NRG3: variants seen among roughly 807,000 people sequenced by gnomAD.
NRG3 encodes pro-neuregulin-3, membrane-bound isoform.
NRG3 carries 31 observed loss-of-function variants against 66.9 expected under a neutral mutation model. The ratio of observed to expected loss-of-function variants is 0.46; its 90% confidence interval spans 0.35 to 0.63. The LOEUF is 0.63. NRG3 is among the 20% of genes least tolerant of loss of function. The pLI is 0.00. For missense variants in NRG3, 910 were observed against 878.9 expected (o/e 1.04, Z -0.45); for synonymous variants, 393 against 359.4 (o/e 1.09, Z -1.06).
intron 2 of NRG3, among the ~76,000 whole-genome samples, chr10:82,438,722 A>G (rs1440659874): frequency 6.6e-6 from 1 of 152,028 alleles, no homozygotes; most frequent in Non-Finnish European, 1.5e-5. Flanking sequence ...AAAAAAGCAG[A>G]TTGCCCGGCT....
intron 3 of NRG3, among the ~76,000 whole-genome samples, chr10:82,747,177 T>C (rs1013985863): frequency 2.0e-5 from 3 of 152,094 alleles, no homozygotes; most frequent in Non-Finnish European, 2.9e-5. Flanking sequence ...GTGAGCTTTT[T>C]CCCACAGAAT....
chr10:81,909,522 T>C (rs1243271906), intron 1 of NRG3, among the ~76,000 whole-genome samples: 1 of 152,198 alleles, frequency 6.6e-6, no homozygotes, highest in Non-Finnish European at 1.5e-5. Flanking sequence ...TCACATGATA[T>C]GTACTCAGTT....
intron 1 of NRG3, among the ~76,000 whole-genome samples, chr10:82,246,435 T>G (rs1383504503): frequency 6.6e-6 from 1 of 152,228 alleles, no homozygotes; most frequent in South Asian, 2.1e-4. Context: ...ATAATTTAGC[T>G]GGATAACTAT....
chr10:82,643,188 CCCA>C (rs1199293138), intron 2 of NRG3, among the ~76,000 whole-genome samples: 1 of 152,056 alleles, frequency 6.6e-6, no homozygotes, highest in Non-Finnish European at 1.5e-5. Flanking sequence ...TCCCATAATT[CCCA>C]CATGTTGCCA....
At chr10:82,888,695 A>G (rs1358767152) in intron 4 of NRG3, among the ~76,000 whole-genome samples, 2 of 152,142 alleles carry the variant, frequency 1.3e-5, no homozygotes, top group Non-Finnish European at 2.9e-5. Context: ...GGGGAGACTA[A>G]ATATAAACAA....
At chr10:82,923,521 T>C (rs1846662454) in intron 4 of NRG3, among the ~76,000 whole-genome samples, 1 of 152,246 alleles carries the variant, frequency 6.6e-6, no homozygotes, top group Non-Finnish European at 1.5e-5. Flanking sequence ...TTACCTCTAA[T>C]GCCTGACTTG....
At chr10:82,028,391 C>T (rs2062413315) in intron 1 of NRG3, among the ~76,000 whole-genome samples, 3 of 152,016 alleles carry the variant, frequency 2.0e-5, no homozygotes, top group Admixed American at 6.6e-5. Flanking sequence ...GCCTTCTGCT[C>T]TTCAATAGTC....
chr10:82,144,192 C>T (rs11192679), intron 1 of NRG3, among the ~76,000 whole-genome samples: 14,218 of 152,130 alleles, frequency 0.093, 970 homozygotes, highest in African/African-American at 0.18. Context: ...CTCTTATTCA[C>T]GTGAGGCTTC....
chr10:82,475,337 C>A (rs1166527976), intron 2 of NRG3, among the ~76,000 whole-genome samples: 5 of 151,930 alleles, frequency 3.3e-5, no homozygotes, highest in African/African-American at 7.2e-5. Flanking sequence ...ATATAACCAA[C>A]AAATTGGATA....
At chr10:82,675,192 G>A (rs2053592510) in intron 2 of NRG3, among the ~76,000 whole-genome samples, 1 of 152,034 alleles carries the variant, frequency 6.6e-6, no homozygotes, top group Non-Finnish European at 1.5e-5. Flanking sequence ...CCTGACCTCA[G>A]GTGGTCCGCC....
At chr10:82,884,857 A>T (rs1027364353) in intron 4 of NRG3, among the ~76,000 whole-genome samples, 2 of 152,224 alleles carry the variant, frequency 1.3e-5, no homozygotes, top group Admixed American at 1.3e-4. Context: ...AAAAGATGGT[A>T]ATGTGTATAT....
chr10:81,909,258 C>T (rs1844888369), intron 1 of NRG3, among the ~76,000 whole-genome samples: 1 of 152,016 alleles, frequency 6.6e-6, no homozygotes, highest in Non-Finnish European at 1.5e-5. Flanking sequence ...ACACACTGGC[C>T]ATTTTGGGTT....
At chr10:82,685,967 C>T (rs1339458238) in intron 2 of NRG3, among the ~76,000 whole-genome samples, 1 of 152,118 alleles carries the variant, frequency 6.6e-6, no homozygotes, top group Non-Finnish European at 1.5e-5. Context: ...CCTATGATAA[C>T]AATGCCTTCT....
chr10:82,561,184 G>A lies in NRG3; in HGVS notation c.954-177393G>A, dbSNP rs553504610. Among the ~76,000 whole-genome samples, 17 of 152,282 alleles carry A rather than the reference G, an allele frequency of 1.1e-4. No homozygotes were observed. In the South Asian group the frequency reaches 3.5e-3, roughly 32 times the overall value. On this transcript the variant is annotated intron_variant, in intron 2 of 8. Transcript: ENST00000372141. ...AGAAAGCTAGACTTAGGAAAAGGAA[G>A]TATGTTGTTTTAATGCCTCTTGGGG...
At chr10:81,987,528 A>T (rs999312129) in intron 1 of NRG3, among the ~76,000 whole-genome samples, 3 of 152,244 alleles carry the variant, frequency 2.0e-5, no homozygotes. Context: ...GAGAAATGAC[A>T]GTCAAGAGTG....
intron 2 of NRG3, among the ~76,000 whole-genome samples, chr10:82,418,499 C>A (rs2088793970): frequency 2.0e-5 from 3 of 151,408 alleles, no homozygotes; most frequent in Admixed American, 2.0e-4. Context: ...ATGTTTGCAT[C>A]ATTCACTGGG....
At chr10:82,571,951 G>A (rs1438945381) in intron 2 of NRG3, among the ~76,000 whole-genome samples, 1 of 151,440 alleles carries the variant, frequency 6.6e-6, no homozygotes. Context: ...AGTAAGGGAG[G>A]TAATAACTCT....
rs936251118 is a variant in NRG3 at position 82,914,839 on chromosome 10, G to A, written c.1055-36630G>A. 1.3e-5 allele frequency among the ~76,000 whole-genome samples: 2 copies of A among 151,894 alleles called. 1 individual carries two copies. The highest frequency in any genetic ancestry group is 1.3e-4 in the Admixed American group (2 of 15,242). On this transcript the variant is annotated intron_variant, in intron 4 of 8. Transcript: ENST00000372141. The stretch of plus-strand genomic sequence containing the variant: ...TATTTCCCTCCAATGTTGAATGTTA[G>A]AGGAAGCTGTAATTGGGTATTTCTC...
intron 2 of NRG3, among the ~76,000 whole-genome samples, chr10:82,522,070 G>T: frequency 7.8e-6 from 1 of 127,948 alleles, no homozygotes. Context: ...TTGAGACAGA[G>T]TCTCTCTCTT....
Sources: allele counts gnomAD v4.1 joint callset (sites outside exome capture counted in the v4.1 genomes callset), GRCh38; gene constraint gnomAD v4.1.1; transcripts MANE v1.5; gene names NCBI Gene and HGNC (gene_info 2026-07-23, HGNC 2026-07-21).